NFIC: variants seen among roughly 807,000 people sequenced by gnomAD.
The protein encoded by NFIC is nuclear factor 1 C-type.
Under a neutral mutation model 54.4 loss-of-function variants are expected in NFIC, and 12 were observed. The ratio of observed to expected loss-of-function variants is 0.22; its 90% CI spans 0.14 to 0.36. NFIC has a LOEUF of 0.36. Ranked by LOEUF, NFIC falls within the 10% of genes least tolerant of loss-of-function variation. The pLI, the probability that NFIC is intolerant of heterozygous loss-of-function variation, is 1.00. For missense variants in NFIC, 575 were observed against 718.2 expected (o/e 0.80, Z 2.28); for synonymous variants, 322 against 319.2 (o/e 1.01, Z -0.09).
intron 2 of NFIC, among the ~76,000 whole-genome samples, chr19:3,424,130 C>A (rs150829630): frequency 0.031 from 4,750 of 151,998 alleles, 107 homozygotes; most frequent in South Asian, 0.057. Flanking sequence ...CGGGTTCAAG[C>A]GATTCTCCTG....
intron 2 of NFIC, among the ~76,000 whole-genome samples, chr19:3,407,907 G>A (rs2145559764): frequency 6.6e-6 from 1 of 152,258 alleles, no homozygotes; most frequent in East Asian, 1.9e-4. Context: ...GGCACAGCAG[G>A]AGCTCAGAGG....
Position 3,464,524 on chromosome 19 carries a change from C to CA in NFIC, c.*1755_*1756insA. ...GAGCTCAAACACAAGGACCCCTCCCCGGCCCACCCAGCCCAGCCCCAACTG... is the reference window on the plus strand; with the variant it reads ...GAGCTCAAACACAAGGACCCCTCCCCAGGCCCACCCAGCCCAGCCCCAACTG... On this transcript the variant is annotated 3_prime_UTR_variant, in exon 11 of 11. Transcript: ENST00000443272. The CA allele has an allele frequency of 1.1e-6, 1 of 910,498 alleles. No individual in the cohort carries two copies. Among genetic ancestry groups the CA allele is most frequent in the Non-Finnish European group, 1.3e-6 (1 of 763,626 alleles). The allele number at this position is 910,498 out of a possible 1,614,324, so 56.4% of individuals were successfully genotyped here.
In NFIC at chr19:3,468,710, TTTG is replaced by T. The variant is rs1568212388; in HGVS notation, c.*5950_*5952del. 6.6e-6 allele frequency: 1 copy of T among 151,706 alleles called. No individual in the cohort carries two copies. The highest frequency in any genetic ancestry group is 1.9e-4 in the East Asian group (1 of 5,204). 9.4% of individuals were successfully genotyped at this position (151,706 alleles called of 1,614,324 possible). On this transcript the variant is annotated 3_prime_UTR_variant, in exon 11 of 11. Coordinates refer to ENST00000443272, the MANE Select transcript of NFIC (RefSeq NM_001245002.2). Reference sequence around the variant, plus strand: ...CCTTTCCTTTTCCCTTTGAGATTTTTTTGTTGTTGTTTCCTTTTTGTATTTTAC... The same window carrying T: ...CCTTTCCTTTTCCCTTTGAGATTTTTTTGTTGTTTCCTTTTTGTATTTTAC...
chr19:3,362,951 A>T (rs1312051518), upstream of NFIC, among the ~76,000 whole-genome samples: 1 of 152,050 alleles, frequency 6.6e-6, no homozygotes, highest in African/African-American at 2.4e-5. Flanking sequence ...TGTGAATTGC[A>T]TTCAACTTTT....
At position 3,452,794 on chromosome 19, in the gene NFIC, C is replaced by T. The variant is rs947724536; in HGVS notation, c.1269+128C>T. On this transcript the variant is annotated intron_variant, in intron 8 of 10. Transcript: ENST00000443272. This position sits in a 1 kb window ranked among gnomAD's most constrained non-coding sequence, Gnocchi z 5.3. ...TGAGGACTTGGCTCTGAAGTCCCCTCCTCTGTCGTGCTGGGAGGCAGCTGG... is the reference window on the plus strand; with the variant it reads ...TGAGGACTTGGCTCTGAAGTCCCCTTCTCTGTCGTGCTGGGAGGCAGCTGG... 1.7e-6 allele frequency: 2 copies of T among 1,157,096 alleles called. No individual in the cohort carries two copies. Among genetic ancestry groups the T allele is most frequent in the Non-Finnish European group, 2.4e-6 (2 of 832,028 alleles). The allele number at this position is 1,157,096 out of a possible 1,614,324, so 71.7% of individuals were successfully genotyped here. A position where few individuals can be genotyped will look rare whatever the true frequency, so the allele number is the denominator to read the frequency against.
intron 5 of NFIC, among the ~76,000 whole-genome samples, chr19:3,434,719 G>A (rs895607184): frequency 6.6e-6 from 1 of 152,148 alleles, no homozygotes; most frequent in African/African-American, 2.4e-5. Flanking sequence ...AGGTCACACT[G>A]TGTGTGCCCC....
chr19:3,379,309 C>T (rs1259820266), intron 1 of NFIC, among the ~76,000 whole-genome samples: 2 of 151,916 alleles, frequency 1.3e-5, no homozygotes, highest in Non-Finnish European at 2.9e-5. Flanking sequence ...CTGCCCGCCT[C>T]GGTCTCCCAA....
chr19:3,403,935 C>T (rs1305129554), intron 2 of NFIC, among the ~76,000 whole-genome samples: 2 of 152,174 alleles, frequency 1.3e-5, no homozygotes, highest in African/African-American at 4.8e-5. Flanking sequence ...TGATCCCTTC[C>T]GGAGCCTCTC....
rs187280096 is a variant in NFIC at position 3,443,213 on chromosome 19, C to T, written c.959-5801C>T. Among the ~76,000 whole-genome samples the T allele has an allele frequency of 4.6e-3, 694 of 152,222 alleles. 6 individuals carry two copies. Among genetic ancestry groups the T allele is most frequent in the African/African-American group, 0.016 (663 of 41,548 alleles). Reference sequence around the variant, plus strand: ...CTTTGGGAGGCCAAGGCTGGAGGATCGCTTGAGCCTAGTAGTTTGATAACA... The same window carrying T: ...CTTTGGGAGGCCAAGGCTGGAGGATTGCTTGAGCCTAGTAGTTTGATAACA... On this transcript the variant is annotated intron_variant, in intron 6 of 10. Transcript: ENST00000443272.
chr19:3,467,724 G>C lies in NFIC; in HGVS notation c.*4955G>C, dbSNP rs2082733666. On this transcript the variant is annotated 3_prime_UTR_variant, in exon 11 of 11. Coordinates refer to ENST00000443272, the MANE Select transcript of NFIC (RefSeq NM_001245002.2). ...CCCTACCCACTCTGGCCTCCCCAAT[G>C]GTACTTTGACCTCCAGTGTAGGGCT... 7.7e-6 allele frequency: 1 copy of C among 129,510 alleles called. No homozygotes were observed. The highest frequency in any genetic ancestry group is 3.1e-5 in the African/African-American group (1 of 31,984). 8.0% of individuals were successfully genotyped at this position (129,510 alleles called of 1,614,324 possible).
intron 2 of NFIC, among the ~76,000 whole-genome samples, chr19:3,383,257 G>A (rs988051326): frequency 7.2e-5 from 11 of 152,172 alleles, no homozygotes; most frequent in Admixed American, 7.2e-4. Flanking sequence ...GTTTGCCGGT[G>A]GTCAAATGCC....
intron 2 of NFIC, among the ~76,000 whole-genome samples, chr19:3,395,532 T>C (rs1300386904): frequency 6.7e-6 from 1 of 149,656 alleles, no homozygotes; most frequent in Non-Finnish European, 1.5e-5. Flanking sequence ...GGTCTCACTA[T>C]GTTGCCCAGG....
At chr19:3,385,098 A>C (rs2081273314) in intron 2 of NFIC, among the ~76,000 whole-genome samples, 1 of 131,008 alleles carries the variant, frequency 7.6e-6, no homozygotes, top group African/African-American at 2.9e-5. Flanking sequence ...TGAAGGCTGC[A>C]CCCTCCCTTG....
At chr19:3,359,876 G>A (rs2080787645) in intron 1 of NFIC, among the ~76,000 whole-genome samples, 1 of 150,674 alleles carries the variant, frequency 6.6e-6, no homozygotes, top group Admixed American at 6.6e-5. Context: ...ACCCCGGCTG[G>A]GGGCGGAGCT....
intron 1 of NFIC, among the ~76,000 whole-genome samples, chr19:3,360,049 G>C (rs895147135): frequency 6.7e-6 from 1 of 148,530 alleles, no homozygotes; most frequent in African/African-American, 2.4e-5. Context: ...GGCCCTGGGC[G>C]CACGACCCCC....
rs191267227 is a variant in NFIC at position 3,404,205 on chromosome 19, C to G, written c.563-20901C>G. ...TGTTGGGGGTGGGGGTGTGGGGAGG[C>G]CTCAGCTTGGCTGCTGGGAAGCCAA... On this transcript the variant is annotated intron_variant, in intron 2 of 10. Transcript: ENST00000443272. Among the ~76,000 whole-genome samples the G allele has an allele frequency of 4.9e-3, 531 of 107,298 alleles. 3 individuals are homozygous for G. Among genetic ancestry groups the G allele is most frequent in the African/African-American group, 0.019 (514 of 27,470 alleles). The allele number at this position is 107,298 out of a possible 152,430, so 70.4% of individuals were successfully genotyped here.
At chr19:3,404,918 T>G (rs956740728) in intron 2 of NFIC, among the ~76,000 whole-genome samples, 2 of 151,266 alleles carry the variant, frequency 1.3e-5, no homozygotes, top group African/African-American at 2.4e-5. Flanking sequence ...GCCCGAGACC[T>G]GGGGGAGGGC....
intron 6 of NFIC, among the ~76,000 whole-genome samples, chr19:3,444,164 G>A (rs1200146498): frequency 7.2e-6 from 1 of 138,688 alleles, no homozygotes; most frequent in East Asian, 1.9e-4. Context: ...GGGGTGATGA[G>A]GGCCTTTTGT....
chr19:3,459,263 A>C lies in NFIC; in HGVS notation c.1509+2628A>C. On this transcript the variant is annotated intron_variant, in intron 10 of 10. Transcript: ENST00000443272. This position sits in a 1 kb window ranked among gnomAD's most constrained non-coding sequence, Gnocchi z 4.2. Reference sequence around the variant, plus strand: ...GTCCATGGACTCTCCCCCCATCAATATCCCTCCCCGTGATCTATGCTAATT... The same window carrying C: ...GTCCATGGACTCTCCCCCCATCAATCTCCCTCCCCGTGATCTATGCTAATT... Among the ~76,000 whole-genome samples, 2 of 121,694 alleles carry C rather than the reference A, an allele frequency of 1.6e-5. No individual in the cohort carries two copies. Among genetic ancestry groups the C allele is most frequent in the African/African-American group, 3.2e-5 (1 of 31,618 alleles). The allele number at this position is 121,694 out of a possible 152,430, so 79.8% of individuals were successfully genotyped here.
Sources: allele counts gnomAD v4.1 joint callset (sites outside exome capture counted in the v4.1 genomes callset), GRCh38; gene constraint gnomAD v4.1.1; non-coding constraint Gnocchi (gnomAD v3.1); transcripts MANE v1.5; gene names NCBI Gene and HGNC (gene_info 2026-07-23, HGNC 2026-07-21).